NEGR1: variants seen among roughly 807,000 people sequenced by gnomAD.
NEGR1 encodes IgLON family member 4.
NEGR1 carries 10 observed loss-of-function variants against 40.9 expected under a neutral mutation model. The ratio of observed to expected loss-of-function variants is 0.24; its 90% CI spans 0.15 to 0.42. NEGR1 has a LOEUF of 0.42. Ranked by LOEUF, NEGR1 falls within the 10% of genes least tolerant of loss-of-function variation. NEGR1 has a pLI of 1.00. For synonymous variants in NEGR1, 185 were observed against 166.8 expected, an observed-to-expected ratio of 1.11 and a Z score of -0.84; for missense variants, 352 against 438.9, an observed-to-expected ratio of 0.80 and a Z score of 1.77.
chr1:71,407,734 T>G (rs1475773645), intron 6 of NEGR1, 164 bp from the exon 7 acceptor site: 33 of 587,936 alleles, frequency 5.6e-5, no homozygotes. Flanking sequence ...GTGGGCTATG[T>G]GGCTAACTTC....
At chr1:71,988,923 T>TAAAAAAAAAAAAAAAAA (rs10604833) in intron 1 of NEGR1, among the ~76,000 whole-genome samples, 24 of 82,230 alleles carry the variant, frequency 2.9e-4, no homozygotes, top group African/African-American at 1.3e-3. Context: ...TATTGGATGT[T>TAAAAAAAAAAAAAAAAA]AAAAAAAAAA....
intron 2 of NEGR1, among the ~76,000 whole-genome samples, chr1:71,928,491 TA>T (rs1225970116): frequency 7.2e-6 from 1 of 138,846 alleles, no homozygotes; most frequent in Non-Finnish European, 1.5e-5. Context: ...TATATGTATA[TA>T]TACACATATG....
chr1:71,678,728 G>A (rs1324189770), intron 4 of NEGR1, among the ~76,000 whole-genome samples: 1 of 152,066 alleles, frequency 6.6e-6, no homozygotes, highest in East Asian at 1.9e-4. Context: ...ACAGTATTGA[G>A]AGCAGAGTTG....
intron 1 of NEGR1, among the ~76,000 whole-genome samples, chr1:71,974,703 T>C (rs1646286703): frequency 6.6e-6 from 1 of 152,168 alleles, no homozygotes; most frequent in Non-Finnish European, 1.5e-5. Flanking sequence ...CAATGGTATA[T>C]TAATTATTTT....
At chr1:72,102,830 G>A (rs796588832) in intron 1 of NEGR1, among the ~76,000 whole-genome samples, 13 of 152,070 alleles carry the variant, frequency 8.5e-5, no homozygotes, top group Admixed American at 3.3e-4. Flanking sequence ...ATGAATCCAA[G>A]TATCTCTCAA....
chr1:71,801,432 A>G (rs1184825278), intron 2 of NEGR1, among the ~76,000 whole-genome samples: 1 of 152,156 alleles, frequency 6.6e-6, no homozygotes, highest in Non-Finnish European at 1.5e-5. Context: ...TAGATGTACA[A>G]TTCTCTGTTC....
intron 1 of NEGR1, among the ~76,000 whole-genome samples, chr1:72,119,657 C>T (rs1222767034): frequency 4.6e-5 from 7 of 151,940 alleles, no homozygotes; most frequent in Admixed American, 4.6e-4. Flanking sequence ...ACTCTCCCCA[C>T]ATGAGGCATT....
intron 6 of NEGR1, among the ~76,000 whole-genome samples, chr1:71,497,927 T>C (rs1189126566): frequency 2.0e-5 from 3 of 152,086 alleles, no homozygotes; most frequent in Non-Finnish European, 2.9e-5. Flanking sequence ...ATTATATTTT[T>C]AAAAGACATC....
chr1:71,790,445 C>T (rs1405023630), intron 2 of NEGR1, among the ~76,000 whole-genome samples: 2 of 151,964 alleles, frequency 1.3e-5, no homozygotes, highest in Non-Finnish European at 2.9e-5. Context: ...TGCCATTAGA[C>T]GCCAGACAGA....
At chr1:71,456,716 A>C (rs1484229576) in intron 6 of NEGR1, among the ~76,000 whole-genome samples, 1 of 152,226 alleles carries the variant, frequency 6.6e-6, no homozygotes, top group African/African-American at 2.4e-5. Flanking sequence ...AATTTCTCAT[A>C]AGACAGACAT....
intron 6 of NEGR1, among the ~76,000 whole-genome samples, chr1:71,523,416 T>C (rs1336189723): frequency 5.3e-5 from 8 of 151,990 alleles, no homozygotes; most frequent in Admixed American, 5.3e-4. Flanking sequence ...GTAAGATTAT[T>C]TTTGAGAAGT....
At chr1:72,234,595 C>A (rs551378177) in intron 1 of NEGR1, among the ~76,000 whole-genome samples, 1 of 152,090 alleles carries the variant, frequency 6.6e-6, no homozygotes, top group African/African-American at 2.4e-5. Flanking sequence ...AAAAAACAAA[C>A]AACCCCACTA....
chr1:71,722,597 T>A (rs1435928632), intron 3 of NEGR1, among the ~76,000 whole-genome samples: 3 of 152,230 alleles, frequency 2.0e-5, no homozygotes, highest in Non-Finnish European at 4.4e-5. Flanking sequence ...TGAATTTAGA[T>A]AGATGTGGGT....
chr1:71,562,719 G>A (rs1648500889), intron 6 of NEGR1, among the ~76,000 whole-genome samples: 1 of 151,922 alleles, frequency 6.6e-6, no homozygotes, highest in South Asian at 2.1e-4. Flanking sequence ...TAAAAGCAGT[G>A]ATTTGTTCAG....
intron 2 of NEGR1, among the ~76,000 whole-genome samples, chr1:71,849,811 T>C (rs1448267202): frequency 6.6e-6 from 1 of 152,196 alleles, no homozygotes; most frequent in Non-Finnish European, 1.5e-5. Flanking sequence ...CGGATGATTC[T>C]TAGCATTTTT....
chr1:71,796,370 T>C (rs1657325286), intron 2 of NEGR1, among the ~76,000 whole-genome samples: 1 of 152,140 alleles, frequency 6.6e-6, no homozygotes, highest in South Asian at 2.1e-4. Context: ...CTAGGTTTTG[T>C]GTGTGTGTAA....
chr1:72,064,046 G>T (rs1306143301), intron 1 of NEGR1, among the ~76,000 whole-genome samples: 1 of 151,268 alleles, frequency 6.6e-6, no homozygotes, highest in East Asian at 1.9e-4. Flanking sequence ...AGAACAAAAA[G>T]AAATTTGTAA....
intron 4 of NEGR1, among the ~76,000 whole-genome samples, chr1:71,621,101 G>A (rs1391437798): frequency 7.2e-5 from 11 of 151,920 alleles, no homozygotes; most frequent in African/African-American, 2.7e-4. Context: ...ATGGAATCAT[G>A]ATAAGACATG....
At chr1:72,225,414 G>A (rs1157914331) in intron 1 of NEGR1, among the ~76,000 whole-genome samples, 1 of 151,386 alleles carries the variant, frequency 6.6e-6, no homozygotes, top group East Asian at 1.9e-4. Flanking sequence ...CTTTAAATAT[G>A]AGTTTTGTAT....
Sources: gnomAD v4.1 joint callset for allele counts (sites outside exome capture counted in the v4.1 genomes callset) on GRCh38, gnomAD v4.1.1 for gene constraint, MANE v1.5 for transcripts, NCBI Gene and HGNC (gene_info 2026-07-23, HGNC 2026-07-21) for gene names.